Variants in MAGI2 observed in about 807,000 individuals in gnomAD.
The protein encoded by MAGI2 is membrane associated guanylate kinase, WW and PDZ domain containing 2.
MAGI2 carries 35 observed loss-of-function variants against 133.3 expected under a neutral mutation model. The observed-to-expected ratio is 0.26, with a 90% confidence interval of 0.20 to 0.35. The LOEUF (loss-of-function observed/expected upper bound fraction) is 0.35, where lower values mean the gene tolerates loss of function less well. Among genes scored for constraint, MAGI2 ranks in the 10% least tolerant of loss-of-function variants. MAGI2 has a pLI of 1.00. For synonymous variants in MAGI2, 729 were observed against 710.6 expected, an observed-to-expected ratio of 1.03 and a Z score of -0.41; for missense variants, 1,636 against 1,863.4, an observed-to-expected ratio of 0.88 and a Z score of 2.25.
chr7:79,278,204 C>G (rs951239226), intron 1 of MAGI2, among the ~76,000 whole-genome samples: 3 of 152,114 alleles, frequency 2.0e-5, no homozygotes, highest in African/African-American at 7.2e-5. Context: ...TAGCACCTCC[C>G]CAGCTTCTTG....
chr7:78,886,457 A>G (rs1267966352), intron 2 of MAGI2, among the ~76,000 whole-genome samples: 1 of 152,196 alleles, frequency 6.6e-6, no homozygotes, highest in Non-Finnish European at 1.5e-5. Context: ...TGACTGATTG[A>G]CTGACCAAGT....
chr7:78,483,243 C>G (rs961333383), intron 6 of MAGI2, among the ~76,000 whole-genome samples: 3 of 151,718 alleles, frequency 2.0e-5, no homozygotes, highest in African/African-American at 7.3e-5. Flanking sequence ...TGAAATCATT[C>G]TGCTACTGTG....
intron 6 of MAGI2, among the ~76,000 whole-genome samples, chr7:78,461,447 A>G (rs1444133025): frequency 6.9e-6 from 1 of 145,906 alleles, no homozygotes; most frequent in Non-Finnish European, 1.5e-5. Context: ...GCTCTTGGTT[A>G]GAAGAATCAG....
intron 1 of MAGI2, among the ~76,000 whole-genome samples, chr7:79,124,569 G>A (rs1424218058): frequency 3.3e-5 from 5 of 152,282 alleles, no homozygotes; most frequent in Admixed American, 2.6e-4. Context: ...CTGTTTCACT[G>A]AGCAAAAGAA....
intron 9 of MAGI2, among the ~76,000 whole-genome samples, chr7:78,340,560 A>G (rs189238001): frequency 1.1e-3 from 167 of 152,340 alleles, no homozygotes; most frequent in African/African-American, 3.9e-3. Context: ...ATCCTCAATA[A>G]AATACTGGCA....
chr7:78,768,484 T>C (rs1314182820), intron 2 of MAGI2, among the ~76,000 whole-genome samples: 1 of 152,204 alleles, frequency 6.6e-6, no homozygotes, highest in African/African-American at 2.4e-5. Flanking sequence ...CTTAGCTTTA[T>C]CAAAATTATT....
intron 1 of MAGI2, among the ~76,000 whole-genome samples, chr7:79,289,836 C>T (rs1307412514): frequency 2.6e-5 from 4 of 151,824 alleles, no homozygotes; most frequent in Admixed American, 6.6e-5. Context: ...TTTATTTCTG[C>T]CTTTGCATCA....
intron 9 of MAGI2, among the ~76,000 whole-genome samples, chr7:78,260,000 A>C (rs897189959): frequency 6.6e-6 from 1 of 152,202 alleles, no homozygotes; most frequent in South Asian, 2.1e-4. Context: ...TCAGGCAAGG[A>C]TAAAGAACAC....
intron 1 of MAGI2, among the ~76,000 whole-genome samples, chr7:79,300,040 C>A (rs2103291): frequency 1.3e-5 from 2 of 152,138 alleles, no homozygotes; most frequent in South Asian, 4.1e-4. Flanking sequence ...AATTAAGCCT[C>A]TTTTTAAATA....
At chr7:78,592,424 T>A (rs1315714327) in intron 3 of MAGI2, among the ~76,000 whole-genome samples, 3 of 151,636 alleles carry the variant, frequency 2.0e-5, no homozygotes, top group Middle Eastern at 3.4e-3. Flanking sequence ...ACTGCTCTGC[T>A]CTCCTGGGTT....
chr7:78,280,851 TACAAAAAAAAAA>T (rs1795495257), intron 9 of MAGI2, among the ~76,000 whole-genome samples: 2 of 16,014 alleles, frequency 1.2e-4, no homozygotes, highest in African/African-American at 5.8e-4. Flanking sequence ...GTGATGGGTA[TACAAAAAAAAAA>T]AAAAAAAAAA....
At chr7:78,349,070 AATG>A (rs1791219231) in intron 7 of MAGI2, among the ~76,000 whole-genome samples, 2 of 152,190 alleles carry the variant, frequency 1.3e-5, no homozygotes, top group Admixed American at 6.5e-5. Context: ...CAGCATCCTA[AATG>A]ATAATTTTAC....
At chr7:79,399,262 T>C (rs1006538276) in intron 1 of MAGI2, among the ~76,000 whole-genome samples, 7 of 151,868 alleles carry the variant, frequency 4.6e-5, no homozygotes, top group African/African-American at 1.5e-4. Flanking sequence ...ACCTGGCTAA[T>C]TTTTTATTTT....
chr7:79,221,250 A>G (rs1201691141), intron 1 of MAGI2, among the ~76,000 whole-genome samples: 1 of 152,080 alleles, frequency 6.6e-6, no homozygotes. Context: ...TTAGAAAATT[A>G]TTTCCATGCA....
At chr7:78,449,523 C>T (rs1258303128) in intron 6 of MAGI2, among the ~76,000 whole-genome samples, 2 of 152,054 alleles carry the variant, frequency 1.3e-5, no homozygotes. Flanking sequence ...ATACCATTGT[C>T]TTCAAAAGTT....
chr7:78,653,009 A>G (rs1811741314), intron 2 of MAGI2, among the ~76,000 whole-genome samples: 1 of 152,200 alleles, frequency 6.6e-6, no homozygotes, highest in South Asian at 2.1e-4. Context: ...GAAGACATTT[A>G]TGCGGTCAAC....
At chr7:78,909,993 G>GAT (rs1798287095) in intron 2 of MAGI2, among the ~76,000 whole-genome samples, 1 of 152,158 alleles carries the variant, frequency 6.6e-6, no homozygotes. Flanking sequence ...CAGGGACATG[G>GAT]ATGAAGCTGG....
chr7:78,977,480 AAAGAAAGAAAGAAAGAAAG>A (rs1474737274), intron 2 of MAGI2, among the ~76,000 whole-genome samples: 1 of 10,946 alleles, frequency 9.1e-5, no homozygotes, highest in Non-Finnish European at 2.6e-4. Context: ...AGAAAGAAAG[AAAGAAAGAAAGAAAGAAAG>A]AAAGAAAGAA....
chr7:78,597,790 T>C (rs577566103), intron 3 of MAGI2, among the ~76,000 whole-genome samples: 2 of 152,304 alleles, frequency 1.3e-5, no homozygotes, highest in Middle Eastern at 3.4e-3. Context: ...TGCTTAAATA[T>C]ATCTTTACAA....
Sources: gnomAD v4.1 joint callset for allele counts (sites outside exome capture counted in the v4.1 genomes callset) on GRCh38, gnomAD v4.1.1 for gene constraint, MANE v1.5 for transcripts, NCBI Gene and HGNC (gene_info 2026-07-23, HGNC 2026-07-21) for gene names.